HM13: variants seen among roughly 807,000 people sequenced by gnomAD.
The protein encoded by HM13 is histocompatibility minor 13.
Under a neutral mutation model 50.0 loss-of-function variants are expected in HM13, and 18 were observed. The ratio of observed to expected loss-of-function variants is 0.36; its 90% CI spans 0.25 to 0.53. The LOEUF is 0.53. HM13 is among the 20% of genes least tolerant of loss of function. The pLI is 0.90. For missense variants in HM13, 393 were observed against 552.4 expected, an observed-to-expected ratio of 0.71 and a Z score of 2.89; for synonymous variants, 197 against 232.6, an observed-to-expected ratio of 0.85 and a Z score of 1.39.
chr20:31,519,166 A>G (rs1317508077), intron 1 of HM13, among the ~76,000 whole-genome samples: 1 of 152,088 alleles, frequency 6.6e-6, no homozygotes, highest in Non-Finnish European at 1.5e-5. Context: ...CAATGGCATA[A>G]CCTCAGCTCA....
intron 2 of HM13, among the ~76,000 whole-genome samples, chr20:31,536,677 G>A (rs1434228251): frequency 6.6e-6 from 1 of 152,060 alleles, no homozygotes; most frequent in African/African-American, 2.4e-5. Flanking sequence ...TGCTCCCTTA[G>A]CTCTGGGCTC....
In HM13 at chr20:31,514,769, C is replaced by T; in HGVS notation, c.183+35C>T. 6.7e-7 allele frequency: 1 copy of T among 1,483,626 alleles called. No homozygotes were observed. Among genetic ancestry groups the T allele is most frequent in the Non-Finnish European group, 8.9e-7 (1 of 1,118,298 alleles). The allele number at this position is 1,483,626 out of a possible 1,614,324, so 91.9% of individuals were successfully genotyped here. On this transcript the variant is annotated intron_variant, in intron 1 of 12. Transcript: ENST00000398174. This position sits in a 1 kb window ranked among gnomAD's most constrained non-coding sequence, Gnocchi z 4.3. ...GCGGGAAAACCGGGCACTTTCCACC[C>T]CCATACCGAACACGGCCGACATGGA... is the stretch of plus-strand genomic sequence containing the variant.
chr20:31,547,437 A>G (rs1028141085), intron 4 of HM13: 3 of 526,676 alleles, frequency 5.7e-6, no homozygotes, highest in Non-Finnish European at 1.0e-5. Context: ...GCCTTCCTGC[A>G]GGGGACTCCA....
Position 31,549,107 on chromosome 20 carries a change from T to G in HM13, c.533T>G (p.Leu178Arg), listed in dbSNP as rs1331912788. 3 of 1,613,956 alleles carry G rather than the reference T, an allele frequency of 1.9e-6. No homozygotes were observed. Among genetic ancestry groups the G allele is most frequent in the Non-Finnish European group, 2.5e-6 (3 of 1,179,892 alleles). ...AGCATCGTTGGCGTCTGGTACCTGC[T>G]GAGGAAGGTGAGTAGTCAGGACCTG... is the stretch of plus-strand genomic sequence containing the variant. ...LSSIVGVWYL[L>R]RKHWIANNLF... The change falls in exon 5 of 13, where the codon CTG (leucine) becomes CGG (arginine). Residue 178 changes from leucine to arginine, a missense_variant. Leu to Arg is a moderately radical substitution (Grantham distance 102). Around this residue, in one of 3 missense-constraint regions of HM13, gnomAD observed 214 missense variants for 276.1 expected, o/e 0.77. Transcript: ENST00000398174.
rs1425669563 is a variant in HM13, at chr20:31,569,366, T to C, written c.*147T>C. Reference sequence around the variant, plus strand: ...CAGGATACCTCCAGCCAGGCCTCTGTGGCCTCTGTTTCCTTCTCCCTTTCT... The same window carrying C: ...CAGGATACCTCCAGCCAGGCCTCTGCGGCCTCTGTTTCCTTCTCCCTTTCT... On this transcript the variant is annotated 3_prime_UTR_variant, in exon 13 of 13. Coordinates refer to ENST00000398174, the MANE Select transcript of HM13 (RefSeq NM_178581.3). 1 of 534,198 alleles carries C rather than the reference T, an allele frequency of 1.9e-6. No homozygotes were observed. The highest frequency in any genetic ancestry group is 1.9e-5 in the African/African-American group (1 of 52,046). The allele number at this position is 534,198 out of a possible 1,614,324, so 33.1% of individuals were successfully genotyped here. A position where few individuals can be genotyped will look rare whatever the true frequency, so the allele number is the denominator to read the frequency against.
Position 31,538,251 on chromosome 20 carries a change from C to T in HM13, c.355C>T (p.His119Tyr). 1 of 1,614,176 alleles carries T rather than the reference C, an allele frequency of 6.2e-7. No individual in the cohort carries two copies. Among genetic ancestry groups the T allele is most frequent in the Non-Finnish European group, 8.5e-7 (1 of 1,180,036 alleles). Residue 119 changes from histidine (H) to tyrosine (Y), a missense_variant, in exon 3 of 13, where the codon CAC (histidine) becomes TAC (tyrosine). Physicochemically the swap from His to Tyr is moderately conservative, Grantham distance 83. Transcript: ENST00000398174. ...CGTGCTGGGAATCCTGGCCCTGTCCCACACCATCAGGTCAGAAGGCATCTC... is the reference window on the plus strand; with the variant it reads ...CGTGCTGGGAATCCTGGCCCTGTCCTACACCATCAGGTCAGAAGGCATCTC... ...FFVLGILALS[H>Y]TISPFMNKFF...
chr20:31,559,682 C>T (rs1398045232), intron 9 of HM13, 35 bp downstream of exon 9: 2 of 1,610,446 alleles, frequency 1.2e-6, no homozygotes, highest in South Asian at 1.1e-5. Flanking sequence ...GCATGGGCTT[C>T]TCCAGGGATT....
chr20:31,563,763 A>G (rs1326549884), intron 10 of HM13, among the ~76,000 whole-genome samples: 1 of 152,030 alleles, frequency 6.6e-6, no homozygotes, highest in African/African-American at 2.4e-5. Flanking sequence ...TCTCTGGCCA[A>G]GGGCTGGCTT....
At chr20:31,556,181 G>A (rs916392012) in intron 8 of HM13, among the ~76,000 whole-genome samples, 1 of 151,436 alleles carries the variant, frequency 6.6e-6, no homozygotes, top group African/African-American at 2.4e-5. Flanking sequence ...TGGGATTATA[G>A]GCATGCACCA....
chr20:31,560,778 G>C (rs1359159456), intron 9 of HM13, among the ~76,000 whole-genome samples: 2 of 152,242 alleles, frequency 1.3e-5, no homozygotes, highest in Non-Finnish European at 1.5e-5. Context: ...CCCAAAGGGA[G>C]TCACTTGTAT....
At chr20:31,538,745 C>T in intron 3 of HM13, 1 of 698,974 alleles carries the variant, frequency 1.4e-6, no homozygotes, top group Non-Finnish European at 1.8e-6. Context: ...GCTCTGTGAT[C>T]TTGGGCAAGT....
intron 2 of HM13, among the ~76,000 whole-genome samples, chr20:31,534,879 A>G (rs999923129): frequency 2.5e-4 from 38 of 152,084 alleles, no homozygotes; most frequent in Non-Finnish European, 5.1e-4. Flanking sequence ...TGGTCAGGAG[A>G]TCGAGACCAT....
chr20:31,555,348 C>T (rs1402353968), intron 8 of HM13, among the ~76,000 whole-genome samples: 1 of 152,224 alleles, frequency 6.6e-6, no homozygotes, highest in African/African-American at 2.4e-5. Flanking sequence ...GGAGCATGTG[C>T]GTGCACACCT....
At chr20:31,548,677 A>G (rs1983854995) in intron 4 of HM13, 1 of 330,992 alleles carries the variant, frequency 3.0e-6, no homozygotes, top group African/African-American at 2.1e-5. Context: ...CTTTTTACAG[A>G]TAAGAAAACT....
At position 31,539,302 on chromosome 20, in the gene HM13, G is replaced by A. The variant is rs45565636; in HGVS notation, c.365+1041G>A. ...GTCCCAGTATGTTTCTTTCTGCCCCGTTGAAGAGGTGCAGCCTCAGGCTGA... is the reference window on the plus strand; with the variant it reads ...GTCCCAGTATGTTTCTTTCTGCCCCATTGAAGAGGTGCAGCCTCAGGCTGA... On this transcript the variant is annotated intron_variant, in intron 3 of 12. Transcript: ENST00000398174. 5,574 of 985,448 alleles carry A rather than the reference G, an allele frequency of 5.7e-3. 21 individuals are homozygous for A. The highest frequency in any genetic ancestry group is 9.4e-3 in the Middle Eastern group (18 of 1,914). The allele number at this position is 985,448 out of a possible 1,614,324, so 61.0% of individuals were successfully genotyped here.
chr20:31,548,664 C>A, intron 4 of HM13: 1 of 306,512 alleles, frequency 3.3e-6, no homozygotes, highest in South Asian at 4.0e-5. Flanking sequence ...GTGCTGTTAT[C>A]CCCTTTTTAC....
chr20:31,548,946 C>A, intron 4 of HM13, 83 bp from the exon 5 acceptor site: 1 of 1,200,986 alleles, frequency 8.3e-7, no homozygotes, highest in Non-Finnish European at 1.2e-6. Context: ...TGCCCACAGC[C>A]ATGCCCTCCT....
At chr20:31,523,825 A>G (rs1488961031) in intron 1 of HM13, among the ~76,000 whole-genome samples, 1 of 152,164 alleles carries the variant, frequency 6.6e-6, no homozygotes, top group Non-Finnish European at 1.5e-5. Context: ...TGGGCCTCTC[A>G]TGTGGGTATT....
At chr20:31,552,490 A>G (rs1238379282) in intron 7 of HM13, among the ~76,000 whole-genome samples, 12 of 152,254 alleles carry the variant, frequency 7.9e-5, no homozygotes, top group African/African-American at 2.9e-4. Context: ...GTGCTGTCAT[A>G]TTTGGTTTCT....
Sources: allele counts gnomAD v4.1 joint callset (sites outside exome capture counted in the v4.1 genomes callset), GRCh38; gene constraint gnomAD v4.1.1; regional missense constraint gnomAD v4.1.1; non-coding constraint Gnocchi (gnomAD v3.1); transcripts MANE v1.5; gene names NCBI Gene and HGNC (gene_info 2026-07-23, HGNC 2026-07-21).